RIMS2: variants seen among roughly 807,000 people sequenced by gnomAD.
RIMS2 encodes regulating synaptic membrane exocytosis 2.
Under a neutral mutation model 174.4 loss-of-function variants are expected in RIMS2, and 59 were observed. The ratio of observed to expected loss-of-function variants is 0.34; its 90% confidence interval spans 0.27 to 0.42. The LOEUF is 0.42. Ranked by LOEUF, RIMS2 falls within the 10% of genes least tolerant of loss-of-function variation. The probability of loss-of-function intolerance (pLI) is 1.00; values close to 1 mark genes in which losing one functional copy is unlikely to be tolerated. For missense variants in RIMS2, 1,620 were observed against 1,666.3 expected (o/e 0.97, Z 0.48); for synonymous variants, 606 against 572.5 (o/e 1.06, Z -0.84).
chr8:103,764,322 C>T (rs60253339), intron 2 of RIMS2, among the ~76,000 whole-genome samples: 23,935 of 152,132 alleles, frequency 0.16, 1,994 homozygotes, highest in Middle Eastern at 0.24. Context: ...CAGATAAATT[C>T]ATATCTTATA....
intron 19 of RIMS2, among the ~76,000 whole-genome samples, chr8:104,105,609 C>G (rs1466730115): frequency 6.6e-6 from 1 of 152,092 alleles, no homozygotes; most frequent in Non-Finnish European, 1.5e-5. Context: ...ATTTTGTCAT[C>G]CAGGCTAAAG....
intron 19 of RIMS2, among the ~76,000 whole-genome samples, chr8:104,190,291 C>A (rs974923167): frequency 6.6e-6 from 1 of 151,718 alleles, no homozygotes; most frequent in Non-Finnish European, 1.5e-5. Context: ...CAGAGTGGGA[C>A]CCTGTATCTA....
intron 19 of RIMS2, chr8:104,093,606 G>C: frequency 6.3e-7 from 1 of 1,597,210 alleles, no homozygotes; most frequent in Non-Finnish European, 8.5e-7. Flanking sequence ...CTACATGTCT[G>C]TCCAATCAGA....
intron 1 of RIMS2, among the ~76,000 whole-genome samples, chr8:103,609,604 A>G (rs904963074): frequency 3.3e-5 from 5 of 152,170 alleles, no homozygotes; most frequent in Admixed American, 3.3e-4. Flanking sequence ...ACTCTTTATT[A>G]ATTAGGAAGT....
chr8:103,910,291 CTT>C (rs75164936), intron 5 of RIMS2, 28 bp from the exon 8 acceptor site: 3,714 of 1,266,786 alleles, frequency 2.9e-3, no homozygotes, highest in South Asian at 3.6e-3. Context: ...TTTTTTGTAT[CTT>C]TTTTTTTTTT....
intron 15 of RIMS2, among the ~76,000 whole-genome samples, chr8:103,961,830 G>C (rs1240920972): frequency 6.6e-6 from 1 of 152,080 alleles, no homozygotes; most frequent in East Asian, 1.9e-4. Context: ...ATTAGTGATT[G>C]ATAACAATAT....
intron 1 of RIMS2, among the ~76,000 whole-genome samples, chr8:103,603,497 C>A (rs917340031): frequency 1.3e-5 from 2 of 151,760 alleles, no homozygotes; most frequent in African/African-American, 2.4e-5. Context: ...ATTTAGAGTT[C>A]TTTGGGTATA....
chr8:103,665,848 A>G (rs1408725284), intron 1 of RIMS2, among the ~76,000 whole-genome samples: 2 of 152,164 alleles, frequency 1.3e-5, no homozygotes, highest in Non-Finnish European at 1.5e-5. Flanking sequence ...CATGTCTTTC[A>G]TGGCCCAAAT....
chr8:104,110,287 C>A (rs191048412), intron 19 of RIMS2, among the ~76,000 whole-genome samples: 6 of 152,172 alleles, frequency 3.9e-5, no homozygotes, highest in Admixed American at 3.9e-4. Context: ...CACTTCACTG[C>A]AGAATACCTT....
chr8:103,803,785 A>T (rs1463635492), intron 3 of RIMS2, among the ~76,000 whole-genome samples: 1 of 152,194 alleles, frequency 6.6e-6, no homozygotes, highest in Non-Finnish European at 1.5e-5. Flanking sequence ...TGTGTCAGGG[A>T]TCTGTGTGGG....
intron 3 of RIMS2, among the ~76,000 whole-genome samples, chr8:103,833,306 G>C (rs1018632617): frequency 2.6e-5 from 4 of 151,912 alleles, no homozygotes; most frequent in African/African-American, 7.3e-5. Flanking sequence ...TTTATCTTCT[G>C]TGTATAATAG....
At chr8:104,171,102 G>C (rs1029652130) in intron 19 of RIMS2, among the ~76,000 whole-genome samples, 2 of 152,082 alleles carry the variant, frequency 1.3e-5, no homozygotes, top group African/African-American at 4.8e-5. Context: ...TAGGTAGCCT[G>C]ATGACTATGT....
At chr8:103,880,703 A>G (rs1442911235) in intron 3 of RIMS2, 1 of 517,698 alleles carries the variant, frequency 1.9e-6, no homozygotes. Flanking sequence ...AAATAATGAA[A>G]ATATATTAAA....
chr8:103,823,971 A>G (rs1476145413), intron 3 of RIMS2, among the ~76,000 whole-genome samples: 1 of 152,026 alleles, frequency 6.6e-6, no homozygotes, highest in Non-Finnish European at 1.5e-5. Flanking sequence ...TATTTTTATA[A>G]CTATAACATT....
intron 6 of RIMS2, among the ~76,000 whole-genome samples, chr8:103,913,726 CA>C (rs1425891228): frequency 5.3e-5 from 8 of 151,988 alleles, no homozygotes; most frequent in African/African-American, 1.9e-4. Context: ...GTACGCATGT[CA>C]CATGGCAAAA....
At chr8:103,831,965 C>T (rs1283235157) in intron 3 of RIMS2, among the ~76,000 whole-genome samples, 1 of 152,174 alleles carries the variant, frequency 6.6e-6, no homozygotes, top group African/African-American at 2.4e-5. Context: ...TGGGTCTAAC[C>T]CTTAGTTGAA....
intron 14 of RIMS2, among the ~76,000 whole-genome samples, chr8:103,952,461 G>A (rs545433277): frequency 6.6e-6 from 1 of 152,264 alleles, no homozygotes; most frequent in African/African-American, 2.4e-5. Context: ...GTGACACCCA[G>A]GCAAACAGGG....
At chr8:103,632,489 C>G (rs1052275973) in intron 1 of RIMS2, among the ~76,000 whole-genome samples, 1 of 151,858 alleles carries the variant, frequency 6.6e-6, no homozygotes, top group Admixed American at 6.6e-5. Flanking sequence ...GGTGTGATCT[C>G]GGCTCACTGC....
chr8:103,989,236 T>G, intron 16 of RIMS2, 69 bp from the exon 19 acceptor site: 5 of 979,944 alleles, frequency 5.1e-6, no homozygotes, highest in Non-Finnish European at 6.4e-6. Context: ...TACTGTGCTT[T>G]AAAATAAACC....
Sources: allele counts gnomAD v4.1 joint callset (sites outside exome capture counted in the v4.1 genomes callset), GRCh38; gene constraint gnomAD v4.1.1; transcripts MANE v1.5; gene names NCBI Gene and HGNC (gene_info 2026-07-23, HGNC 2026-07-21).